The following RS1 variants were observed in gnomAD, a reference collection of about 807,000 sequenced individuals.
RS1 encodes retinoschisin 1.
RS1 carries 2 observed loss-of-function variants against 20.8 expected under a neutral mutation model. The observed-to-expected ratio is 0.10, with a 90% CI of 0.04 to 0.30. The LOEUF (loss-of-function observed/expected upper bound fraction) is 0.30. Among genes scored for constraint, RS1 ranks in the 10% least tolerant of loss-of-function variants. The probability of loss-of-function intolerance (pLI) is 1.00; values close to 1 mark genes in which losing one functional copy is unlikely to be tolerated. For missense variants in RS1, 151 were observed against 189.8 expected (o/e 0.80, Z 1.20); for synonymous variants, 70 against 75.8 (o/e 0.92, Z 0.40).
At chrX:18,668,948 C>T (rs1366466257) in intron 1 of RS1, among the ~76,000 whole-genome samples, 3 of 111,813 alleles carry the variant, frequency 2.7e-5, no homozygotes, top group African/African-American at 9.7e-5. Flanking sequence ...GAACAATAGA[C>T]TTTCAATGGG....
At position 18,668,387 on chromosome X, in the gene RS1, G is replaced by A. The variant is rs900926474; in HGVS notation, c.52+3630C>T. On this transcript the variant is annotated intron_variant, in intron 1 of 5. Transcript: ENST00000379984. ...TACCTTGCAACCCATGAGGAAAGGC[G>A]CGCTTTAGATACACACAGGAAAACC... 3.6e-5 allele frequency among the ~76,000 whole-genome samples: 4 copies of A among 112,528 alleles called. No homozygotes were observed. In the South Asian group the frequency reaches 1.5e-3, roughly 41 times the overall value.
chrX:18,655,297 G>A (rs1928193443), intron 3 of RS1, among the ~76,000 whole-genome samples: 1 of 112,056 alleles, frequency 8.9e-6, no homozygotes, highest in Admixed American at 9.5e-5. Flanking sequence ...TGCTTGTTTT[G>A]TAAATAAAGT....
At chrX:18,653,583 A>G in intron 3 of RS1, 1 of 1,191,677 alleles carries the variant, frequency 8.4e-7, no homozygotes, top group Non-Finnish European at 1.1e-6. Flanking sequence ...GCCCTGAATC[A>G]CCTCTCTCAT....
chrX:18,643,705 G>A (rs1927665634), intron 5 of RS1, among the ~76,000 whole-genome samples: 1 of 111,756 alleles, frequency 8.9e-6, no homozygotes, highest in African/African-American at 3.3e-5. Context: ...AATCTCAGCT[G>A]TACATGTCTA....
chrX:18,659,400 G>A (rs1043086021), intron 1 of RS1, among the ~76,000 whole-genome samples: 1 of 110,847 alleles, frequency 9.0e-6, no homozygotes, highest in South Asian at 3.9e-4. Context: ...CTTGAAACCC[G>A]GGTTGCAGTG....
chrX:18,672,040 A>G lies in RS1; in HGVS notation c.29T>C (p.Leu10Ser), dbSNP rs1264168689. The G allele has an allele frequency of 5.8e-6, 7 of 1,209,407 alleles. No individual in the cohort carries two copies. The highest frequency in any genetic ancestry group is 2.2e-5 in the Admixed American group (1 of 45,640). Reference sequence around the variant, plus strand: ...ACCTTCATAGCCAAAGAGAAGTAATAACAAAAAGCCTTCTATCTTGCGTGA... The same window carrying G: ...ACCTTCATAGCCAAAGAGAAGTAATGACAAAAAGCCTTCTATCTTGCGTGA... Reference protein sequence around the residue: MSRKIEGFLLLLLFGYEATL... With the variant: MSRKIEGFLSLLLFGYEATL... The change falls in exon 1 of 6, where the codon TTA becomes TCA. Residue 10 changes from leucine to serine, a missense_variant. By Grantham distance (145) the Leu-to-Ser change is moderately radical. Coordinates refer to ENST00000379984, the MANE Select transcript of RS1 (RefSeq NM_000330.4).
chrX:18,641,946 C>A lies in RS1; in HGVS notation c.*58G>T. On this transcript the variant is annotated 3_prime_UTR_variant, in exon 6 of 6. Transcript: ENST00000379984. ...CCATCTCGGTGGTGTGTGAGGGGGT[C>A]CCCTACGGCCCGCTCTGTGCCAGTC... The A allele has an allele frequency of 1.7e-6, 2 of 1,155,253 alleles. No individual in the cohort carries two copies. The highest frequency in any genetic ancestry group is 2.3e-6 in the Non-Finnish European group (2 of 859,951).
chrX:18,661,900 A>G (rs980513281), intron 1 of RS1, among the ~76,000 whole-genome samples: 5 of 112,726 alleles, frequency 4.4e-5, no homozygotes, highest in African/African-American at 1.3e-4. Context: ...TGATAGGCAC[A>G]GGATGGGGGC....
At position 18,640,239 on chromosome X, in the gene RS1, C is replaced by T. The variant is rs1377056960; in HGVS notation, c.*1765G>A. 1 of 111,499 alleles carries T rather than the reference C, an allele frequency of 9.0e-6. No homozygotes were observed. Among genetic ancestry groups the T allele is most frequent in the African/African-American group, 3.3e-5 (1 of 30,652 alleles). The allele number at this position is 111,499 out of a possible 1,213,427, so 9.2% of individuals were successfully genotyped here. A position where few individuals can be genotyped will look rare whatever the true frequency, so the allele number is the denominator to read the frequency against. ...TTTCTCCCTGCCTCACTGTTTCCTCCTCTCCTTTTTCCCTGAACTGCACTC... is the reference window on the plus strand; with the variant it reads ...TTTCTCCCTGCCTCACTGTTTCCTCTTCTCCTTTTTCCCTGAACTGCACTC... On this transcript the variant is annotated 3_prime_UTR_variant, in exon 6 of 6. Transcript: ENST00000379984.
At position 18,650,611 on chromosome X, in the gene RS1, C is replaced by T. The variant is rs772246921; in HGVS notation, c.185-3279G>A. On this transcript the variant is annotated intron_variant, in intron 3 of 5. Coordinates refer to ENST00000379984, the MANE Select transcript of RS1 (RefSeq NM_000330.4). ...CAATCCGGTAAGCAGAGACTCTAGA[C>T]CGGTGGGGCTCAGCCTGGGCTGTAC... The T allele has an allele frequency of 1.5e-5, 18 of 1,207,219 alleles. No individual in the cohort carries two copies. In the South Asian group the frequency reaches 2.6e-4, roughly 18 times the overall value.
chrX:18,655,194 G>T (rs757941204), intron 3 of RS1, among the ~76,000 whole-genome samples: 1 of 112,185 alleles, frequency 8.9e-6, no homozygotes, highest in East Asian at 2.8e-4. Context: ...TACCCCACAG[G>T]CTGCTTTAAT....
rs760568446 is a variant in RS1, at chrX:18,650,554, G to A, written c.185-3222C>T. Reference sequence around the variant, plus strand: ...TCCATGTGCCCGACACTCCAGGTCCGAGGCACTGATGCTTTCAGCTGCCCA... The same window carrying A: ...TCCATGTGCCCGACACTCCAGGTCCAAGGCACTGATGCTTTCAGCTGCCCA... On this transcript the variant is annotated intron_variant, in intron 3 of 5. Transcript: ENST00000379984. 10 of 1,210,751 alleles carry A rather than the reference G, an allele frequency of 8.3e-6. No individual in the cohort carries two copies. The highest frequency in any genetic ancestry group is 3.0e-5 in the East Asian group (1 of 33,797).
At position 18,672,074 on chromosome X, in the gene RS1, C is replaced by T. The variant is rs1928500613; in HGVS notation, c.-6G>A. On this transcript the variant is annotated 5_prime_UTR_variant, in exon 1 of 6. Coordinates refer to ENST00000379984, the MANE Select transcript of RS1 (RefSeq NM_000330.4). The stretch of plus-strand genomic sequence containing the variant: ...CCTTCTATCTTGCGTGACATCTTCC[C>T]CTCGTCCTCGGCCAAAGCTCTACCT... The T allele has an allele frequency of 1.7e-6, 2 of 1,206,740 alleles. No homozygotes were observed. The highest frequency in any genetic ancestry group is 4.4e-5 in the Admixed American group (2 of 45,497).
At chrX:18,670,523 C>T (rs928374993) in intron 1 of RS1, among the ~76,000 whole-genome samples, 4 of 110,587 alleles carry the variant, frequency 3.6e-5, no homozygotes, top group Non-Finnish European at 7.6e-5. Context: ...CACCGCGCCC[C>T]GCCGTCATAC....
At chrX:18,658,100 G>C (rs59239440) in intron 1 of RS1, among the ~76,000 whole-genome samples, 2 of 111,454 alleles carry the variant, frequency 1.8e-5, no homozygotes, top group African/African-American at 6.5e-5. Flanking sequence ...AACCTGGGAG[G>C]CGGAGGTTGC....
intron 3 of RS1, among the ~76,000 whole-genome samples, chrX:18,649,807 C>G (rs1048096467): frequency 1.2e-4 from 13 of 112,133 alleles, no homozygotes; most frequent in South Asian, 3.7e-4. Flanking sequence ...GCTCCTCCCC[C>G]ACCCGCGACA....
rs773102905 is a variant in RS1 at position 18,642,007 on chromosome X, G to A, written c.672C>T (p.Ala224=). 3.7e-5 allele frequency: 45 copies of A among 1,209,877 alleles called. No homozygotes were observed. Among genetic ancestry groups the A allele is most frequent in the Non-Finnish European group, 4.4e-5 (39 of 895,299 alleles). Residue 224 remains alanine, a synonymous_variant, in exon 6 of 6, where the codon GCC becomes GCT. Transcript: ENST00000379984. ...AGGCGCCGAGCTGAGGCAGGCATCA[G>A]GCACACTTGCTGACGCACTCCAGCA... is the stretch of plus-strand genomic sequence containing the variant. The part of the protein sequence containing the change: ...MELLECVSKC[A]
At chrX:18,653,447 T>C (rs1453567049) in intron 3 of RS1, 1 of 1,211,125 alleles carries the variant, frequency 8.3e-7, no homozygotes, top group Non-Finnish European at 1.1e-6. Flanking sequence ...TCTTTCTTCG[T>C]GAGACACGTT....
At position 18,664,366 on chromosome X, in the gene RS1, G is replaced by A. The variant is rs767932753; in HGVS notation, c.53-6701C>T. ...AAAGGGGCCGGGCGCGGTGGCTCAC[G>A]CCTGTAATCCCAGCACTTTGGGAGG... On this transcript the variant is annotated intron_variant, in intron 1 of 5. Transcript: ENST00000379984. Among the ~76,000 whole-genome samples the A allele has an allele frequency of 4.4e-5, 5 of 112,501 alleles. No individual in the cohort carries two copies. In the East Asian group the frequency reaches 1.4e-3, roughly 31 times the overall value.
Sources: gnomAD v4.1 joint callset for allele counts (sites outside exome capture counted in the v4.1 genomes callset) on GRCh38, gnomAD v4.1.1 for gene constraint, MANE v1.5 for transcripts, NCBI Gene and HGNC (gene_info 2026-07-23, HGNC 2026-07-21) for gene names.